The following AFG2A variants were observed in gnomAD, a reference collection of about 807,000 sequenced individuals.
The protein encoded by AFG2A is ATPase family gene 2 protein homolog A.
the AFG2A span, among the ~76,000 whole-genome samples, chr4:123,138,898 ATG>A: frequency 6.6e-6 from 1 of 152,038 alleles, no homozygotes; most frequent in Admixed American, 6.6e-5. Context: ...ACACATATAC[ATG>A]TATATGTATA....
At chr4:122,967,408 A>G in the AFG2A span, among the ~76,000 whole-genome samples, 1 of 152,078 alleles carries the variant, frequency 6.6e-6, no homozygotes, top group South Asian at 2.1e-4. Flanking sequence ...CTTAAAAAAA[A>G]AATCAGAGTA....
chr4:122,979,357 A>G, the AFG2A span: 3 of 1,614,184 alleles, frequency 1.9e-6, no homozygotes, highest in East Asian at 4.5e-5. Context: ...ACCCAGTGCC[A>G]TGAGGGAAAT....
chr4:122,923,201 T>C, the AFG2A span: 2 of 1,614,250 alleles, frequency 1.2e-6, no homozygotes, highest in Non-Finnish European at 1.7e-6. Flanking sequence ...GGTTCGTCCT[T>C]GCCCTCTGCT....
chr4:123,023,632 A>C, the AFG2A span, among the ~76,000 whole-genome samples: 2 of 152,170 alleles, frequency 1.3e-5, no homozygotes, highest in African/African-American at 4.8e-5. Flanking sequence ...CTTGATAGTC[A>C]TATAAATTCA....
chr4:123,026,095 G>A, the AFG2A span, among the ~76,000 whole-genome samples: 6 of 85,568 alleles, frequency 7.0e-5, no homozygotes, highest in Admixed American at 3.7e-4. Context: ...ATAAGACCTC[G>A]TGTATGTGTA....
the AFG2A span, chr4:123,317,947 G>A: frequency 6.6e-6 from 1 of 152,220 alleles, no homozygotes; most frequent in Non-Finnish European, 1.5e-5. Context: ...GAAAAGTTGA[G>A]CTGCTTCAAT....
the AFG2A span, among the ~76,000 whole-genome samples, chr4:122,939,741 G>T: frequency 6.6e-6 from 1 of 151,724 alleles, no homozygotes; most frequent in Admixed American, 6.6e-5. Flanking sequence ...TTAACTCGTC[G>T]TTTAGCATTA....
the AFG2A span, among the ~76,000 whole-genome samples, chr4:122,978,108 C>G: frequency 6.6e-6 from 1 of 151,762 alleles, no homozygotes; most frequent in African/African-American, 2.4e-5. Flanking sequence ...TATCTGGCAT[C>G]CCAGCTAGTG....
chr4:123,164,072 A>G, the AFG2A span, among the ~76,000 whole-genome samples: 2 of 152,124 alleles, frequency 1.3e-5, no homozygotes, highest in Non-Finnish European at 2.9e-5. Flanking sequence ...TTCTCTGCAC[A>G]TTTAACCATG....
At chr4:123,082,204 A>G in the AFG2A span, among the ~76,000 whole-genome samples, 2 of 152,044 alleles carry the variant, frequency 1.3e-5, no homozygotes, top group Non-Finnish European at 2.9e-5. Flanking sequence ...AGTCATTTCC[A>G]TACCCAAGGT....
the AFG2A span, chr4:123,056,261 G>A: frequency 2.4e-6 from 2 of 841,692 alleles, no homozygotes; most frequent in Non-Finnish European, 3.5e-6. Flanking sequence ...AAATAAGCAT[G>A]CTAAAGGGAT....
At chr4:123,063,075 T>C in the AFG2A span, among the ~76,000 whole-genome samples, 8 of 152,228 alleles carry the variant, frequency 5.3e-5, no homozygotes, top group Non-Finnish European at 1.2e-4. Context: ...TTCCTAATTA[T>C]ATGATGGATC....
the AFG2A span, chr4:122,923,176 C>T: frequency 1.9e-6 from 3 of 1,614,210 alleles, no homozygotes; most frequent in Non-Finnish European, 2.5e-6. Context: ...GCGGTTGAAC[C>T]AAAGCGCGGA....
chr4:123,079,831 C>G, the AFG2A span, among the ~76,000 whole-genome samples: 3,949 of 133,872 alleles, frequency 0.029, 85 homozygotes, highest in Middle Eastern at 0.14. Context: ...CTCACTGCAA[C>G]CTCCGCTTCC....
chr4:123,009,928 T>C, the AFG2A span, among the ~76,000 whole-genome samples: 2 of 152,232 alleles, frequency 1.3e-5, no homozygotes, highest in Non-Finnish European at 2.9e-5. Flanking sequence ...GTGGCTTTTC[T>C]TATCTGATAA....
the AFG2A span, among the ~76,000 whole-genome samples, chr4:122,946,083 T>C: frequency 6.6e-6 from 1 of 152,222 alleles, no homozygotes; most frequent in Admixed American, 6.5e-5. Flanking sequence ...TGACCCATGA[T>C]AATAACACTT....
the AFG2A span, among the ~76,000 whole-genome samples, chr4:123,053,002 G>C: frequency 6.6e-6 from 1 of 152,146 alleles, no homozygotes; most frequent in Non-Finnish European, 1.5e-5. Flanking sequence ...AAAGCCAGAA[G>C]ACTCAGCAAG....
the AFG2A span, among the ~76,000 whole-genome samples, chr4:123,222,481 A>G: frequency 6.6e-6 from 1 of 152,212 alleles, no homozygotes; most frequent in Non-Finnish European, 1.5e-5. Flanking sequence ...GCATAGCATG[A>G]TAAAATTGTA....
the AFG2A span, among the ~76,000 whole-genome samples, chr4:123,313,426 CTG>C: frequency 6.6e-6 from 1 of 152,232 alleles, no homozygotes; most frequent in African/African-American, 2.4e-5. Context: ...TGTGGAAACT[CTG>C]TGCTATGACA....
Sources: gnomAD v4.1 joint callset for allele counts (sites outside exome capture counted in the v4.1 genomes callset) on GRCh38, gnomAD v4.1.1 for gene constraint, MANE v1.5 for transcripts, NCBI Gene and HGNC (gene_info 2026-07-23, HGNC 2026-07-21) for gene names.